SPMIP2: variants seen among roughly 807,000 people sequenced by gnomAD.
SPMIP2 encodes the protein protein SPMIP2.
the SPMIP2 span, chr4:159,035,055 CA>C: frequency 1.2e-6 from 2 of 1,613,098 alleles, no homozygotes; most frequent in Non-Finnish European, 8.5e-7. Flanking sequence ...TTTGTTTTCC[CA>C]CAGTAGTAGA....
At chr4:158,929,088 A>C in the SPMIP2 span, among the ~76,000 whole-genome samples, 97,275 of 152,156 alleles carry the variant, frequency 0.64, 31,539 homozygotes, top group East Asian at 0.9. Flanking sequence ...GATCTTGGCT[A>C]ACTGCAGCCT....
the SPMIP2 span, among the ~76,000 whole-genome samples, chr4:158,910,037 CTCAAAAAAAA>C: frequency 6.6e-6 from 1 of 151,514 alleles, no homozygotes; most frequent in African/African-American, 2.4e-5. Flanking sequence ...GAGACTCCAT[CTCAAAAAAAA>C]ACAAAAAAAA....
At chr4:158,947,730 A>T in the SPMIP2 span, among the ~76,000 whole-genome samples, 1 of 152,252 alleles carries the variant, frequency 6.6e-6, no homozygotes, top group Admixed American at 6.5e-5. Context: ...AAAGTCCGAG[A>T]GATGGAAAAG....
the SPMIP2 span, chr4:158,915,362 G>A: frequency 3.7e-6 from 6 of 1,605,504 alleles, no homozygotes; most frequent in Non-Finnish European, 4.3e-6. Flanking sequence ...TTGGTTGCCT[G>A]GAATAGGAAC....
At chr4:158,898,318 C>A in the SPMIP2 span, among the ~76,000 whole-genome samples, 1 of 152,136 alleles carries the variant, frequency 6.6e-6, no homozygotes, top group Non-Finnish European at 1.5e-5. Flanking sequence ...CTTGGCTATG[C>A]AGGCTCTTTT....
At chr4:158,941,111 C>T in the SPMIP2 span, among the ~76,000 whole-genome samples, 66 of 151,696 alleles carry the variant, frequency 4.4e-4, 1 homozygote, top group South Asian at 0.014. Context: ...CAGAGAATAG[C>T]GCCAGAAAAA....
the SPMIP2 span, among the ~76,000 whole-genome samples, chr4:158,923,758 A>G: frequency 2.0e-5 from 3 of 152,238 alleles, no homozygotes; most frequent in Non-Finnish European, 2.9e-5. Context: ...TTGAATAGAC[A>G]TAGTGAGAAC....
chr4:159,047,094 C>T, the SPMIP2 span, among the ~76,000 whole-genome samples: 2 of 152,160 alleles, frequency 1.3e-5, no homozygotes, highest in Non-Finnish European at 2.9e-5. Flanking sequence ...GTGACCATGA[C>T]TTGATCAGTT....
the SPMIP2 span, among the ~76,000 whole-genome samples, chr4:158,998,516 C>A: frequency 6.6e-6 from 1 of 152,176 alleles, no homozygotes; most frequent in Non-Finnish European, 1.5e-5. Flanking sequence ...CTTGACTCTA[C>A]ATTGCCAGTG....
the SPMIP2 span, among the ~76,000 whole-genome samples, chr4:158,955,664 C>G: frequency 6.6e-6 from 1 of 152,158 alleles, no homozygotes; most frequent in Non-Finnish European, 1.5e-5. Flanking sequence ...CCTTGGCCTC[C>G]CAAAATGCTG....
chr4:158,979,289 C>G, the SPMIP2 span, among the ~76,000 whole-genome samples: 1 of 152,154 alleles, frequency 6.6e-6, no homozygotes, highest in African/African-American at 2.4e-5. Flanking sequence ...GCTTGCTGGG[C>G]TCCATGGGGG....
chr4:159,049,857 C>T, the SPMIP2 span, among the ~76,000 whole-genome samples: 2 of 152,096 alleles, frequency 1.3e-5, no homozygotes, highest in Non-Finnish European at 2.9e-5. Context: ...TCATAGAGAG[C>T]TCAAATATAT....
chr4:159,016,050 C>A, the SPMIP2 span, among the ~76,000 whole-genome samples: 93 of 152,310 alleles, frequency 6.1e-4, no homozygotes, highest in African/African-American at 2.2e-3. Context: ...TGGTCCTGAG[C>A]AGGACTTACG....
chr4:159,025,717 A>T, the SPMIP2 span, among the ~76,000 whole-genome samples: 103 of 152,268 alleles, frequency 6.8e-4, no homozygotes, highest in African/African-American at 2.2e-3. Context: ...AAAACAGTTT[A>T]AAAAAATTAT....
the SPMIP2 span, among the ~76,000 whole-genome samples, chr4:158,931,596 C>T: frequency 1.3e-5 from 2 of 152,046 alleles, no homozygotes; most frequent in Non-Finnish European, 2.9e-5. Flanking sequence ...GAGACAGGGT[C>T]TGGCTCTTTT....
the SPMIP2 span, among the ~76,000 whole-genome samples, chr4:159,066,587 TTTTATA>T: frequency 2.6e-4 from 17 of 65,314 alleles, no homozygotes; most frequent in African/African-American, 5.6e-4. Flanking sequence ...CGTGTGTGTA[TTTTATA>T]TATATATATA....
At chr4:159,057,934 G>A in the SPMIP2 span, among the ~76,000 whole-genome samples, 11 of 152,040 alleles carry the variant, frequency 7.2e-5, 1 homozygote, top group Admixed American at 4.6e-4. Flanking sequence ...GTGGGATCTC[G>A]GCTCACCGCA....
At chr4:159,022,533 C>G in the SPMIP2 span, among the ~76,000 whole-genome samples, 11 of 152,148 alleles carry the variant, frequency 7.2e-5, no homozygotes. Flanking sequence ...TGTCACTGGA[C>G]TGCCTGCATC....
the SPMIP2 span, among the ~76,000 whole-genome samples, chr4:159,006,948 T>C: frequency 5.5e-3 from 842 of 152,262 alleles, 7 homozygotes; most frequent in African/African-American, 0.019. Context: ...GTTATTACAG[T>C]TTATGGCCAT....
Sources: allele counts gnomAD v4.1 joint callset (sites outside exome capture counted in the v4.1 genomes callset), GRCh38; gene constraint gnomAD v4.1.1; transcripts MANE v1.5; gene names NCBI Gene and HGNC (gene_info 2026-07-23, HGNC 2026-07-21).